Variants in FAM149B1 observed in about 807,000 individuals in gnomAD.
The protein encoded by FAM149B1 is primary cilium assembly protein FAM149B1.
Under a neutral mutation model 75.3 loss-of-function variants are expected in FAM149B1, and 56 were observed. The observed-to-expected ratio is 0.74, with a 90% CI of 0.60 to 0.93. The LOEUF (loss-of-function observed/expected upper bound fraction) is 0.93. FAM149B1 is among the 40% of genes least tolerant of loss of function. FAM149B1 has a pLI of 0.00. For synonymous variants in FAM149B1, 259 were observed against 256.1 expected, an observed-to-expected ratio of 1.01 and a Z score of -0.11; for missense variants, 639 against 708.4, an observed-to-expected ratio of 0.90 and a Z score of 1.11.
chr10:73,226,096 ATAAT>A (rs1446693090), intron 7 of FAM149B1, among the ~76,000 whole-genome samples: 25 of 145,988 alleles, frequency 1.7e-4, no homozygotes, highest in African/African-American at 6.8e-4. Flanking sequence ...TTTTACCACA[ATAAT>A]TTTTTTTTTT....
intron 11 of FAM149B1, 73 bp downstream of exon 11, chr10:73,235,013 T>TGC: frequency 2.0e-6 from 3 of 1,516,892 alleles, no homozygotes; most frequent in Non-Finnish European, 2.7e-6. Context: ...GCAGGATCTG[T>TGC]GCCCTGATCT....
chr10:73,234,937 G>C lies in FAM149B1; in HGVS notation c.1473G>C (p.Gln491His), dbSNP rs573526295. 7 of 1,551,968 alleles carry C rather than the reference G, an allele frequency of 4.5e-6. No individual in the cohort carries two copies. The African/African-American group carries it at 6.8e-5, about 15-fold the overall frequency. The change falls in exon 11 of 14, where the codon CAG becomes CAC. Residue 491 changes from glutamine (Q) to histidine (H), a missense_variant. Physicochemically the swap from Gln to His is conservative, Grantham distance 24. Transcript: ENST00000242505. ...TGAGCACTGTGGGGCCACAAAGACA[G>C]ATGGTATGTTTCTTTCATATTGCCT... ...EHVSTVGPQR[Q>H]MKPHGDSSRA...
In FAM149B1 at chr10:73,239,354, C is replaced by T. The variant is rs1437904944; in HGVS notation, c.1645C>T (p.His549Tyr). ...YRRSCAVEYP[H>Y]QARPGRGSAG... ...TCGCTCATGTGCAGTTGAGTATCCTCATCAGGCCCGACCTGGCAGGGGATC... is the reference window on the plus strand; with the variant it reads ...TCGCTCATGTGCAGTTGAGTATCCTTATCAGGCCCGACCTGGCAGGGGATC... Residue 549 changes from histidine to tyrosine, a missense_variant, in exon 13 of 14, where the codon CAT (histidine) becomes TAT (tyrosine). Transcript: ENST00000242505. 1 of 1,551,688 alleles carries T rather than the reference C, an allele frequency of 6.4e-7. No individual in the cohort carries two copies. The highest frequency in any genetic ancestry group is 8.7e-7 in the Non-Finnish European group (1 of 1,146,982).
intron 2 of FAM149B1, among the ~76,000 whole-genome samples, chr10:73,176,565 G>A (rs187059558): frequency 6.6e-6 from 1 of 152,264 alleles, no homozygotes; most frequent in Non-Finnish European, 1.5e-5. Flanking sequence ...TAGTGTCTGA[G>A]ATGCAATGTG....
At chr10:73,204,215 C>T (rs928237464) in intron 5 of FAM149B1, among the ~76,000 whole-genome samples, 2 of 152,064 alleles carry the variant, frequency 1.3e-5, no homozygotes, top group East Asian at 1.9e-4. Context: ...ACCTCCACCC[C>T]ACAGGTTCAA....
At chr10:73,206,854 G>A (rs2043071966) in intron 5 of FAM149B1, among the ~76,000 whole-genome samples, 1 of 152,210 alleles carries the variant, frequency 6.6e-6, no homozygotes, top group South Asian at 2.1e-4. Flanking sequence ...GGTGGAGGTT[G>A]CGGTGAGCTG....
Position 73,233,043 on chromosome 10 carries a change from A to G in FAM149B1, c.1232A>G (p.Tyr411Cys). Residue 411 changes from tyrosine (Y) to cysteine (C), a missense_variant, in exon 10 of 14, where the codon TAC becomes TGC. Tyr to Cys is a radical substitution (Grantham distance 194, BLOSUM62 -2). Coordinates refer to ENST00000242505, the MANE Select transcript of FAM149B1 (RefSeq NM_173348.2). ...GAGTTTAGTACATCATCTCTGTCAT[A>G]CACAGTGCAGTCCACCAGGAGACGC... ...AVEFSTSSLS[Y>C]TVQSTRRRNP... 2 of 1,551,704 alleles carry G rather than the reference A, an allele frequency of 1.3e-6. No homozygotes were observed. The highest frequency in any genetic ancestry group is 1.7e-6 in the Non-Finnish European group (2 of 1,146,910).
At chr10:73,219,073 T>C (rs2043354016) in intron 7 of FAM149B1, among the ~76,000 whole-genome samples, 1 of 152,136 alleles carries the variant, frequency 6.6e-6, no homozygotes, top group Non-Finnish European at 1.5e-5. Context: ...TCAGGGCAAT[T>C]TATGCATTTT....
chr10:73,178,156 T>C (rs950223296), intron 3 of FAM149B1, among the ~76,000 whole-genome samples, 181 bp downstream of exon 3: 13 of 152,350 alleles, frequency 8.5e-5, no homozygotes, highest in African/African-American at 3.1e-4. Context: ...GTTTTATTGA[T>C]ATAGTAGTTG....
chr10:73,225,127 A>T (rs544836958), intron 7 of FAM149B1, among the ~76,000 whole-genome samples: 9 of 152,378 alleles, frequency 5.9e-5, no homozygotes, highest in African/African-American at 2.2e-4. Flanking sequence ...AATTATGTAC[A>T]GTACATATAC....
Position 73,239,362 on chromosome 10 carries a change from C to T in FAM149B1, c.1653C>T (p.Ala551=). ...RSCAVEYPHQ[A]RPGRGSAGPQ... ...GTGCAGTTGAGTATCCTCATCAGGC[C>T]CGACCTGGCAGGGGATCTGCAGGTA... The change falls in exon 13 of 14, where the codon GCC becomes GCT. Residue 551 remains alanine (A), a synonymous_variant. Transcript: ENST00000242505. 1 of 1,551,632 alleles carries T rather than the reference C, an allele frequency of 6.4e-7. No individual in the cohort carries two copies. The highest frequency in any genetic ancestry group is 8.7e-7 in the Non-Finnish European group (1 of 1,146,976).
At chr10:73,218,128 T>C (rs988624440) in intron 7 of FAM149B1, among the ~76,000 whole-genome samples, 2 of 152,112 alleles carry the variant, frequency 1.3e-5, no homozygotes, top group African/African-American at 4.8e-5. Flanking sequence ...TAGTTATAGA[T>C]AGCACAGTTA....
chr10:73,171,633 T>TC (rs997518913), intron 1 of FAM149B1, among the ~76,000 whole-genome samples: 14 of 146,452 alleles, frequency 9.6e-5, no homozygotes, highest in African/African-American at 3.6e-4. Flanking sequence ...TTTCTTTCTT[T>TC]TTTTTTTTTT....
chr10:73,235,887 T>C (rs2043809387), intron 12 of FAM149B1, among the ~76,000 whole-genome samples: 1 of 152,200 alleles, frequency 6.6e-6, no homozygotes, highest in South Asian at 2.1e-4. Flanking sequence ...TACCATTTAT[T>C]AGGCATTTAC....
chr10:73,200,711 A>C (rs1370619174), intron 5 of FAM149B1: 3 of 475,754 alleles, frequency 6.3e-6, no homozygotes, highest in Non-Finnish European at 8.2e-6. Flanking sequence ...TCCTATTCAA[A>C]TTCTGGTGAA....
At chr10:73,173,110 C>T (rs1327258660) in intron 1 of FAM149B1, among the ~76,000 whole-genome samples, 1 of 152,016 alleles carries the variant, frequency 6.6e-6, no homozygotes, top group Non-Finnish European at 1.5e-5. Context: ...CACAGCAAGA[C>T]CCCATCTCAA....
At chr10:73,206,640 G>A (rs1024932581) in intron 5 of FAM149B1, among the ~76,000 whole-genome samples, 2 of 152,208 alleles carry the variant, frequency 1.3e-5, no homozygotes, top group Non-Finnish European at 2.9e-5. Flanking sequence ...GCAGCCTTGG[G>A]ACACTGCTTT....
intron 1 of FAM149B1, among the ~76,000 whole-genome samples, chr10:73,170,324 G>A (rs753941976): frequency 3.9e-5 from 6 of 152,102 alleles, no homozygotes; most frequent in Non-Finnish European, 8.8e-5. Context: ...GCAACATGGT[G>A]AAACCCTGTC....
chr10:73,230,465 A>G lies in FAM149B1; in HGVS notation c.1067A>G (p.Asp356Gly), dbSNP rs911552577. The G allele has an allele frequency of 4.5e-6, 7 of 1,550,666 alleles. No homozygotes were observed. Among genetic ancestry groups the G allele is most frequent in the Non-Finnish European group, 4.4e-6 (5 of 1,145,940 alleles). ...AGCAGACATCAGCCAAATGTGAATGATCTCTTGGTTCATGGAATGCCTCTA... is the reference window on the plus strand; with the variant it reads ...AGCAGACATCAGCCAAATGTGAATGGTCTCTTGGTTCATGGAATGCCTCTA... ...QASRHQPNVN[D>G]LLVHGMPLQP... Residue 356 changes from aspartate (D) to glycine (G), a missense_variant, in exon 9 of 14, where the codon GAT (aspartate) becomes GGT (glycine). Transcript: ENST00000242505.
Sources: gnomAD v4.1 joint callset for allele counts (sites outside exome capture counted in the v4.1 genomes callset) on GRCh38, gnomAD v4.1.1 for gene constraint, MANE v1.5 for transcripts, NCBI Gene and HGNC (gene_info 2026-07-23, HGNC 2026-07-21) for gene names.